Variants in PKP4 observed in about 807,000 individuals in gnomAD.
PKP4 encodes plakophilin-4.
Under a neutral mutation model 145.1 loss-of-function variants are expected in PKP4, and 90 were observed. That is an observed-to-expected ratio of 0.62 (90% CI 0.52 to 0.74). The LOEUF is 0.74. Ranked by LOEUF, PKP4 falls within the 30% of genes least tolerant of loss-of-function variation. PKP4 has a pLI of 0.00. For missense variants in PKP4, 1,340 were observed against 1,482.7 expected, an observed-to-expected ratio of 0.90 and a Z score of 1.58; for synonymous variants, 563 against 577.2, an observed-to-expected ratio of 0.98 and a Z score of 0.35.
rs570365953 is a variant in PKP4, at chr2:158,555,184, C to T, written c.132+21868C>T. Among the ~76,000 whole-genome samples the T allele has an allele frequency of 3.9e-5, 6 of 152,228 alleles. No homozygotes were observed. In the Middle Eastern group the frequency reaches 0.014, roughly 345 times the overall value. Reference sequence around the variant, plus strand: ...TGTACCAATCCCTAGTGACCTGTACCAGTCTTATGTAAATTATGAGTGCTT... The same window carrying T: ...TGTACCAATCCCTAGTGACCTGTACTAGTCTTATGTAAATTATGAGTGCTT... On this transcript the variant is annotated intron_variant, in intron 2 of 21. Coordinates refer to ENST00000389759, the MANE Select transcript of PKP4 (RefSeq NM_003628.6).
At chr2:158,594,917 A>G (rs2049590461) in intron 3 of PKP4, among the ~76,000 whole-genome samples, 1 of 152,160 alleles carries the variant, frequency 6.6e-6, no homozygotes, top group African/African-American at 2.4e-5. Context: ...CTCGTCCTTC[A>G]GCTGGGCAAA....
chr2:158,573,489 C>T (rs540802492), intron 2 of PKP4, among the ~76,000 whole-genome samples: 1 of 152,182 alleles, frequency 6.6e-6, no homozygotes, highest in East Asian at 1.9e-4. Context: ...TAATATTTTA[C>T]TTCATAAAAC....
chr2:158,513,909 C>T (rs2041727247), intron 1 of PKP4, among the ~76,000 whole-genome samples: 1 of 152,164 alleles, frequency 6.6e-6, no homozygotes, highest in Admixed American at 6.5e-5. Flanking sequence ...GTGTTTTATG[C>T]CTCTCTGTCT....
At chr2:158,669,567 T>C in intron 16 of PKP4, 153 bp from the exon 17 acceptor site, 1 of 477,368 alleles carries the variant, frequency 2.1e-6, no homozygotes, top group Non-Finnish European at 3.6e-6. Context: ...ACATTTGTCC[T>C]TTTCTTCTTT....
chr2:158,607,933 G>T (rs1190544713), intron 4 of PKP4, among the ~76,000 whole-genome samples: 1 of 151,928 alleles, frequency 6.6e-6, no homozygotes, highest in Non-Finnish European at 1.5e-5. Flanking sequence ...TTTTATCATG[G>T]CCAAGTAACA....
At chr2:158,569,251 CTTGGTT>C (rs1486428152) in intron 2 of PKP4, among the ~76,000 whole-genome samples, 2 of 152,172 alleles carry the variant, frequency 1.3e-5, no homozygotes, top group Admixed American at 1.3e-4. Context: ...TCAACTAGAA[CTTGGTT>C]TATTCCTGTT....
intron 11 of PKP4, among the ~76,000 whole-genome samples, chr2:158,657,315 CA>C (rs1460256133): frequency 6.6e-6 from 1 of 152,166 alleles, no homozygotes; most frequent in Non-Finnish European, 1.5e-5. Flanking sequence ...TTAGCTACCT[CA>C]TACTTGGTGC....
chr2:158,676,995 T>C, intron 20 of PKP4, 128 bp downstream of exon 20: 1 of 1,083,334 alleles, frequency 9.2e-7, no homozygotes, highest in Non-Finnish European at 1.4e-6. Flanking sequence ...CATGTTCCAG[T>C]CATTCCCTTT....
intron 3 of PKP4, chr2:158,588,429 T>C (rs972923451): frequency 6.6e-6 from 1 of 152,162 alleles, no homozygotes; most frequent in Non-Finnish European, 1.5e-5. Context: ...TCAATTACTG[T>C]TGGGGTTGAA....
intron 4 of PKP4, among the ~76,000 whole-genome samples, chr2:158,620,536 A>G (rs1332664705): frequency 1.3e-5 from 2 of 152,238 alleles, no homozygotes; most frequent in East Asian, 3.8e-4. Context: ...GTGACATGAA[A>G]TATAACATAA....
intron 6 of PKP4, among the ~76,000 whole-genome samples, chr2:158,624,244 A>G (rs1474237457): frequency 6.6e-6 from 1 of 152,240 alleles, no homozygotes; most frequent in Non-Finnish European, 1.5e-5. Context: ...TGCCTAGAGC[A>G]CCTGTGTAGC....
At chr2:158,457,330 C>G (rs1335661718) in intron 1 of PKP4, 112 bp downstream of exon 1, 1 of 151,940 alleles carries the variant, frequency 6.6e-6, no homozygotes, top group East Asian at 2.0e-4. Context: ...CCGGGGGCCT[C>G]CCTCCCGCTG....
At chr2:158,643,607 G>A (rs1368766086) in intron 11 of PKP4, among the ~76,000 whole-genome samples, 1 of 149,672 alleles carries the variant, frequency 6.7e-6, no homozygotes, top group Non-Finnish European at 1.5e-5. Context: ...AGGTACTTGG[G>A]AGTCTGAAGT....
intron 1 of PKP4, among the ~76,000 whole-genome samples, chr2:158,485,678 C>G (rs4664965): frequency 0.39 from 59,857 of 151,932 alleles, 12,449 homozygotes; most frequent in East Asian, 0.68. Context: ...AACATTTAAC[C>G]CTTTAGTTCA....
At chr2:158,520,096 A>T (rs1336958443) in intron 1 of PKP4, among the ~76,000 whole-genome samples, 1 of 152,120 alleles carries the variant, frequency 6.6e-6, no homozygotes, top group Non-Finnish European at 1.5e-5. Context: ...CCCATGTGTA[A>T]TTCGTGTTTA....
At chr2:158,593,714 T>C (rs909732757) in intron 3 of PKP4, among the ~76,000 whole-genome samples, 1 of 152,188 alleles carries the variant, frequency 6.6e-6, no homozygotes, top group African/African-American at 2.4e-5. Flanking sequence ...CATGATATTG[T>C]TTATTTAAAT....
At chr2:158,638,973 C>G (rs1205787174) in intron 9 of PKP4, among the ~76,000 whole-genome samples, 4 of 152,160 alleles carry the variant, frequency 2.6e-5, no homozygotes, top group African/African-American at 9.7e-5. Context: ...TCTTACTCTC[C>G]TGCTTCACAG....
intron 4 of PKP4, among the ~76,000 whole-genome samples, chr2:158,604,172 T>A (rs2050456723): frequency 6.6e-6 from 1 of 152,150 alleles, no homozygotes; most frequent in Non-Finnish European, 1.5e-5. Flanking sequence ...AGCCCACATC[T>A]GAGATGGCAG....
chr2:158,566,759 G>A (rs2047021806), intron 2 of PKP4, among the ~76,000 whole-genome samples: 1 of 152,046 alleles, frequency 6.6e-6, no homozygotes, highest in Admixed American at 6.6e-5. Context: ...TTTCCCAAAT[G>A]TAAGGAATTT....
Sources: gnomAD v4.1 joint callset for allele counts (sites outside exome capture counted in the v4.1 genomes callset) on GRCh38, gnomAD v4.1.1 for gene constraint, MANE v1.5 for transcripts, NCBI Gene and HGNC (gene_info 2026-07-23, HGNC 2026-07-21) for gene names.